ADGRB3: variants seen among roughly 807,000 people sequenced by gnomAD.
The protein encoded by ADGRB3 is adhesion G protein-coupled receptor B3.
Under a neutral mutation model 193.4 loss-of-function variants are expected in ADGRB3, and 37 were observed. That is an observed-to-expected ratio of 0.19 (90% CI 0.15 to 0.25). ADGRB3 has a LOEUF of 0.25. Among genes scored for constraint, ADGRB3 ranks in the 10% least tolerant of loss-of-function variants. ADGRB3 has a pLI of 1.00. For missense variants in ADGRB3, 1,637 were observed against 1,852.9 expected (o/e 0.88, Z 2.14); for synonymous variants, 690 against 644.2 (o/e 1.07, Z -1.08).
At chr6:69,230,115 GA>G (rs1338026324) in intron 17 of ADGRB3, among the ~76,000 whole-genome samples, 2 of 152,096 alleles carry the variant, frequency 1.3e-5, no homozygotes, top group African/African-American at 4.8e-5. Flanking sequence ...AACCATTTGG[GA>G]AAAAAATGAC....
intron 3 of ADGRB3, among the ~76,000 whole-genome samples, chr6:68,791,983 C>T (rs780270382): frequency 7.2e-5 from 11 of 152,010 alleles, no homozygotes; most frequent in African/African-American, 1.2e-4. Flanking sequence ...TCAGCCAGGG[C>T]AGTGTCAGTA....
chr6:69,301,380 G>A (rs1224440264), intron 20 of ADGRB3, among the ~76,000 whole-genome samples: 1 of 151,770 alleles, frequency 6.6e-6, no homozygotes, highest in African/African-American at 2.4e-5. Flanking sequence ...TAATTGCATA[G>A]CCACCTCCTG....
chr6:68,768,471 G>T (rs1237182123), intron 3 of ADGRB3, among the ~76,000 whole-genome samples: 1 of 152,102 alleles, frequency 6.6e-6, no homozygotes, highest in Non-Finnish European at 1.5e-5. Context: ...TTGGTGTTGG[G>T]ATAACAGGCT....
chr6:69,033,936 G>A lies in ADGRB3; in HGVS notation c.2108-14249G>A, dbSNP rs115912102. On this transcript the variant is annotated intron_variant, in intron 13 of 31. Coordinates refer to ENST00000370598, the MANE Select transcript of ADGRB3 (RefSeq NM_001704.3). ...TAGCTGATGACTACAAAGTAGAAGCGAACTGTTCACAAGGGAGTGATTTAT... is the reference window on the plus strand; with the variant it reads ...TAGCTGATGACTACAAAGTAGAAGCAAACTGTTCACAAGGGAGTGATTTAT... 2.6e-3 allele frequency among the ~76,000 whole-genome samples: 398 copies of A among 152,144 alleles called. 2 individuals carry two copies. The highest frequency in any genetic ancestry group is 9.0e-3 in the African/African-American group (373 of 41,550).
At chr6:69,387,374 G>A (rs761873195) in intron 31 of ADGRB3, among the ~76,000 whole-genome samples, 31 of 152,198 alleles carry the variant, frequency 2.0e-4, no homozygotes, top group Non-Finnish European at 3.8e-4. Flanking sequence ...TAATTCATGA[G>A]ACTTTAGAAT....
At chr6:69,000,893 G>A (rs934343049) in intron 11 of ADGRB3, among the ~76,000 whole-genome samples, 1 of 152,144 alleles carries the variant, frequency 6.6e-6, no homozygotes, top group Non-Finnish European at 1.5e-5. Flanking sequence ...ATATGGTGAG[G>A]CTCAGAAATA....
Position 68,943,912 on chromosome 6 carries a change from A to G in ADGRB3, c.1113A>G (p.Ser371=). The change falls in exon 6 of 32, where the codon TCA becomes TCG. Residue 371 remains serine (S), a synonymous_variant. Transcript: ENST00000370598. The part of the protein sequence containing the change: ...CGRGQRTRTR[S]CTPPQYGGRP... ...GAGGCCAAAGAACAAGAACAAGGTCATGCACACCTCCTCAGTATGGAGGAA... is the reference window on the plus strand; with the variant it reads ...GAGGCCAAAGAACAAGAACAAGGTCGTGCACACCTCCTCAGTATGGAGGAA... 6.2e-7 allele frequency: 1 copy of G among 1,614,038 alleles called. No individual in the cohort carries two copies. The highest frequency in any genetic ancestry group is 8.5e-7 in the Non-Finnish European group (1 of 1,179,910).
chr6:68,756,089 G>T (rs533805918), intron 3 of ADGRB3, among the ~76,000 whole-genome samples: 9 of 152,090 alleles, frequency 5.9e-5, no homozygotes, highest in Non-Finnish European at 1.2e-4. Flanking sequence ...TGGGCACATT[G>T]GCATGTTTCT....
At chr6:69,077,363 A>C (rs1029572700) in intron 17 of ADGRB3, among the ~76,000 whole-genome samples, 7 of 149,290 alleles carry the variant, frequency 4.7e-5, no homozygotes, top group Non-Finnish European at 9.0e-5. Flanking sequence ...TTTTCGGCCC[A>C]AGAAACATGT....
chr6:69,185,878 C>T (rs1765055613), intron 17 of ADGRB3, among the ~76,000 whole-genome samples: 1 of 151,840 alleles, frequency 6.6e-6, no homozygotes, highest in African/African-American at 2.4e-5. Flanking sequence ...ATTTGTATTT[C>T]CAATAAAAAA....
intron 3 of ADGRB3, among the ~76,000 whole-genome samples, chr6:68,875,855 GAGA>G (rs892853125): frequency 3.9e-5 from 6 of 152,028 alleles, no homozygotes; most frequent in African/African-American, 4.8e-5. Flanking sequence ...TACATAGAAT[GAGA>G]AGGAGAAAGC....
intron 3 of ADGRB3, among the ~76,000 whole-genome samples, chr6:68,925,165 A>G (rs559712955): frequency 4.1e-4 from 63 of 152,080 alleles, no homozygotes; most frequent in African/African-American, 1.5e-3. Flanking sequence ...ACTAAAAAAT[A>G]TCAAATGAGA....
At chr6:68,959,217 G>C (rs1768166424) in intron 8 of ADGRB3, among the ~76,000 whole-genome samples, 1 of 152,024 alleles carries the variant, frequency 6.6e-6, no homozygotes, top group Admixed American at 6.6e-5. Context: ...GTGTATTACT[G>C]TTGTGATTAT....
At chr6:69,061,931 T>C (rs1331779535) in intron 15 of ADGRB3, among the ~76,000 whole-genome samples, 2 of 151,970 alleles carry the variant, frequency 1.3e-5, no homozygotes, top group Non-Finnish European at 2.9e-5. Context: ...AGAATTAAAC[T>C]ATGTACTTAA....
chr6:68,913,289 A>AC lies in ADGRB3; in HGVS notation c.758-17264dup, dbSNP rs568144441. Among the ~76,000 whole-genome samples, 7 of 152,002 alleles carry AC rather than the reference A, an allele frequency of 4.6e-5. No individual in the cohort carries two copies. In the East Asian group the frequency reaches 1.4e-3, roughly 29 times the overall value. On this transcript the variant is annotated intron_variant, in intron 3 of 31. Transcript: ENST00000370598. Reference sequence around the variant, plus strand: ...CCCCCGAGCAGCCTAACTGGGAGGCACCCCCCAGTAAGGGCAGACTGACAC... The same window carrying AC: ...CCCCCGAGCAGCCTAACTGGGAGGCACCCCCCCAGTAAGGGCAGACTGACAC...
rs140186873 is a variant in ADGRB3, at chr6:68,729,985, G to A, written c.757+90553G>A. On this transcript the variant is annotated intron_variant, in intron 3 of 31. Transcript: ENST00000370598. ...TATAATCTGGTGGAAAAGGATGCTT[G>A]AAAAAAATAGTGTTTTGGAAATAAG... Among the ~76,000 whole-genome samples, 585 of 151,380 alleles carry A rather than the reference G, an allele frequency of 3.9e-3. 4 individuals carry two copies. Among genetic ancestry groups the A allele is most frequent in the Non-Finnish European group, 7.2e-3 (485 of 67,642 alleles).
chr6:69,386,282 A>G (rs1454470400), intron 31 of ADGRB3, among the ~76,000 whole-genome samples: 1 of 152,160 alleles, frequency 6.6e-6, no homozygotes, highest in Non-Finnish European at 1.5e-5. Flanking sequence ...TGTTCCAAAC[A>G]TAATGGAGCC....
At chr6:68,971,654 A>G (rs936251438) in intron 8 of ADGRB3, among the ~76,000 whole-genome samples, 1 of 152,256 alleles carries the variant, frequency 6.6e-6, no homozygotes, top group South Asian at 2.1e-4. Flanking sequence ...CATAGATGAC[A>G]GGGATGACTG....
intron 3 of ADGRB3, among the ~76,000 whole-genome samples, chr6:68,886,132 C>A (rs1190768997): frequency 6.6e-6 from 1 of 152,074 alleles, no homozygotes; most frequent in African/African-American, 2.4e-5. Context: ...GTAGTGTTAG[C>A]AGTGGAAATC....
Sources: allele counts gnomAD v4.1 joint callset (sites outside exome capture counted in the v4.1 genomes callset), GRCh38; gene constraint gnomAD v4.1.1; transcripts MANE v1.5; gene names NCBI Gene and HGNC (gene_info 2026-07-23, HGNC 2026-07-21).